Variants in MAML2 observed in about 807,000 individuals in gnomAD.
MAML2 encodes the protein mastermind-like protein 2.
MAML2 carries 22 observed loss-of-function variants against 96.1 expected under a neutral mutation model. The ratio of observed to expected loss-of-function variants is 0.23; its 90% CI spans 0.16 to 0.33. MAML2 has a LOEUF of 0.33. Ranked by LOEUF, MAML2 falls within the 10% of genes least tolerant of loss-of-function variation. MAML2 has a pLI of 1.00. For missense variants in MAML2, 1,367 were observed against 1,392.4 expected (o/e 0.98, Z 0.29); for synonymous variants, 561 against 521.3 (o/e 1.08, Z -1.04).
intron 1 of MAML2, among the ~76,000 whole-genome samples, chr11:96,235,842 G>C (rs1220095536): frequency 3.3e-5 from 5 of 152,218 alleles, no homozygotes. Flanking sequence ...CCTTGCTGCT[G>C]TATCACAGTC....
chr11:96,106,796 T>C (rs955955959), intron 1 of MAML2, among the ~76,000 whole-genome samples: 1 of 151,930 alleles, frequency 6.6e-6, no homozygotes. Context: ...GCAGGATTGA[T>C]GCCACTGGGA....
chr11:96,237,151 C>T (rs566791112), intron 1 of MAML2, among the ~76,000 whole-genome samples: 1 of 152,130 alleles, frequency 6.6e-6, no homozygotes, highest in African/African-American at 2.4e-5. Flanking sequence ...CTCCCTTGTC[C>T]GGTCCCCTCC....
At chr11:96,305,079 A>G (rs1426923220) in intron 1 of MAML2, among the ~76,000 whole-genome samples, 1 of 152,194 alleles carries the variant, frequency 6.6e-6, no homozygotes, top group Non-Finnish European at 1.5e-5. Flanking sequence ...CAAAAAATAT[A>G]TACACTTTAA....
intron 2 of MAML2, among the ~76,000 whole-genome samples, chr11:96,047,930 A>AAAAAAAAAAAAAAAAAAAAAAAG (rs1555001442): frequency 3.9e-5 from 5 of 127,392 alleles, no homozygotes; most frequent in Non-Finnish European, 6.5e-5. Flanking sequence ...AAAAAAAAAA[A>AAAAAAAAAAAAAAAAAAAAAAAG]AAAAGAAAAA....
At chr11:96,211,349 G>A (rs972106599) in intron 1 of MAML2, among the ~76,000 whole-genome samples, 3 of 151,214 alleles carry the variant, frequency 2.0e-5, no homozygotes, top group East Asian at 1.9e-4. Flanking sequence ...ATATTCCTCT[G>A]ATCTTAATAA....
At chr11:96,214,567 C>T (rs924764705) in intron 1 of MAML2, among the ~76,000 whole-genome samples, 1 of 152,172 alleles carries the variant, frequency 6.6e-6, no homozygotes, top group Non-Finnish European at 1.5e-5. Flanking sequence ...AAACCATGAA[C>T]TCAACTCCAA....
At chr11:96,230,875 A>C (rs73529239) in intron 1 of MAML2, among the ~76,000 whole-genome samples, 2,205 of 152,294 alleles carry the variant, frequency 0.014, 47 homozygotes, top group African/African-American at 0.051. Context: ...AGATCATCAC[A>C]CTCACTTCTG....
Position 96,157,851 on chromosome 11 carries a change from G to T in MAML2, c.514-64334C>A, listed in dbSNP as rs140915839. Among the ~76,000 whole-genome samples the T allele has an allele frequency of 5.9e-3, 898 of 152,226 alleles. 3 individuals are homozygous for T. Among genetic ancestry groups the T allele is most frequent in the South Asian group, 0.012 (58 of 4,818 alleles). On this transcript the variant is annotated intron_variant, in intron 1 of 4. Transcript: ENST00000524717. ...TATTTGCTGTTTATATTGCCTTTGT[G>T]GGTAAGAACTTCTGTAAACTTGCTA... is the stretch of plus-strand genomic sequence containing the variant.
At chr11:96,289,002 G>A (rs143416028) in intron 1 of MAML2, among the ~76,000 whole-genome samples, 29 of 152,244 alleles carry the variant, frequency 1.9e-4, no homozygotes, top group East Asian at 3.9e-4. Flanking sequence ...ACAGAAAACC[G>A]TCATGGGGAA....
intron 2 of MAML2, among the ~76,000 whole-genome samples, chr11:96,086,713 A>T (rs890785951): frequency 6.6e-6 from 1 of 152,212 alleles, no homozygotes; most frequent in Non-Finnish European, 1.5e-5. Context: ...GGCACACAAT[A>T]AATATGTTTT....
intron 2 of MAML2, among the ~76,000 whole-genome samples, chr11:96,001,508 G>A (rs1858077467): frequency 6.6e-6 from 1 of 152,042 alleles, no homozygotes; most frequent in Non-Finnish European, 1.5e-5. Context: ...ACATAGCTAT[G>A]GATTCTGCAT....
At chr11:96,042,747 T>C (rs1858836061) in intron 2 of MAML2, among the ~76,000 whole-genome samples, 1 of 146,414 alleles carries the variant, frequency 6.8e-6, no homozygotes, top group Non-Finnish European at 1.5e-5. Flanking sequence ...TAACGTTCTT[T>C]TTTTTTTTTT....
intron 1 of MAML2, among the ~76,000 whole-genome samples, chr11:96,197,075 T>C (rs1861744172): frequency 6.6e-6 from 1 of 152,090 alleles, no homozygotes; most frequent in Admixed American, 6.5e-5. Context: ...AAGGCAGAGA[T>C]GGGTGGCCTG....
chr11:96,247,584 C>G (rs1414966993), intron 1 of MAML2, among the ~76,000 whole-genome samples: 1 of 152,174 alleles, frequency 6.6e-6, no homozygotes, highest in Non-Finnish European at 1.5e-5. Flanking sequence ...GCCCCTGCCC[C>G]TGTCCCTGCT....
chr11:96,008,383 G>A (rs771563193), intron 2 of MAML2, among the ~76,000 whole-genome samples: 3 of 152,162 alleles, frequency 2.0e-5, no homozygotes, highest in Non-Finnish European at 4.4e-5. Context: ...CTGATATATC[G>A]TGCAGTTACC....
intron 2 of MAML2, among the ~76,000 whole-genome samples, chr11:95,993,871 G>A (rs769122608): frequency 5.9e-5 from 9 of 152,138 alleles, no homozygotes; most frequent in Non-Finnish European, 1.3e-4. Context: ...ACTGTGGTCC[G>A]TGCTTTACGT....
At chr11:96,157,362 T>C (rs1861025519) in intron 1 of MAML2, among the ~76,000 whole-genome samples, 1 of 152,258 alleles carries the variant, frequency 6.6e-6, no homozygotes, top group South Asian at 2.1e-4. Context: ...ACATAAAGCA[T>C]ATAAGGCAAT....
At chr11:96,117,374 C>T (rs1411202627) in intron 1 of MAML2, among the ~76,000 whole-genome samples, 2 of 151,616 alleles carry the variant, frequency 1.3e-5, no homozygotes, top group Non-Finnish European at 1.5e-5. Flanking sequence ...CAGCTCACTA[C>T]AGCCTCAACC....
At chr11:96,169,659 C>CTTTTTTTTTTTTTT (rs5793784) in intron 1 of MAML2, among the ~76,000 whole-genome samples, 2 of 144,956 alleles carry the variant, frequency 1.4e-5, no homozygotes, top group African/African-American at 5.2e-5. Flanking sequence ...AGAAAGTAAA[C>CTTTTTTTTTTTTTT]TTTTTTTTTT....
Sources: allele counts gnomAD v4.1 joint callset (sites outside exome capture counted in the v4.1 genomes callset), GRCh38; gene constraint gnomAD v4.1.1; transcripts MANE v1.5; gene names NCBI Gene and HGNC (gene_info 2026-07-23, HGNC 2026-07-21).